The following DLG1 variants were observed in gnomAD, a reference collection of about 807,000 sequenced individuals.
DLG1 encodes the protein disks large homolog 1.
DLG1 carries 42 observed loss-of-function variants against 123.4 expected under a neutral mutation model. The ratio of observed to expected loss-of-function variants is 0.34; its 90% CI spans 0.27 to 0.44. The LOEUF (loss-of-function observed/expected upper bound fraction) is 0.44. DLG1 is among the 20% of genes least tolerant of loss of function. The probability of loss-of-function intolerance (pLI) is 1.00; values close to 1 mark genes in which losing one functional copy is unlikely to be tolerated. For synonymous variants in DLG1, 317 were observed against 356.2 expected (o/e 0.89, Z 1.24); for missense variants, 942 against 1,082.6 (o/e 0.87, Z 1.82).
chr3:197,192,034 C>G (rs1269235147), intron 5 of DLG1, among the ~76,000 whole-genome samples: 1 of 151,052 alleles, frequency 6.6e-6, no homozygotes, highest in Non-Finnish European at 1.5e-5. Flanking sequence ...AATAGCCAAG[C>G]ATGATGGCAT....
intron 17 of DLG1, among the ~76,000 whole-genome samples, chr3:197,080,267 CTTTTTTTTTTT>C (rs767056279): frequency 5.8e-5 from 3 of 51,868 alleles, no homozygotes; most frequent in African/African-American, 8.4e-5. Flanking sequence ...GATATATTTC[CTTTTTTTTTTT>C]TTTTTTTTTT....
chr3:197,191,515 G>T (rs1203656489), intron 5 of DLG1, among the ~76,000 whole-genome samples: 1 of 152,162 alleles, frequency 6.6e-6, no homozygotes, highest in East Asian at 1.9e-4. Context: ...ACCAGAGTTG[G>T]CCATGTGCAA....
intron 22 of DLG1, among the ~76,000 whole-genome samples, chr3:197,064,731 T>C (rs1738380023): frequency 6.6e-6 from 1 of 152,204 alleles, no homozygotes; most frequent in African/African-American, 2.4e-5. Flanking sequence ...TGTTTTCCAA[T>C]AGTTTTTGGA....
At chr3:197,201,153 G>A (rs1245967819) in intron 4 of DLG1, among the ~76,000 whole-genome samples, 1 of 152,178 alleles carries the variant, frequency 6.6e-6, no homozygotes, top group African/African-American at 2.4e-5. Flanking sequence ...GGAGGCCGAG[G>A]CGGGAGGATC....
chr3:197,263,348 C>CG (rs10711560), intron 4 of DLG1, among the ~76,000 whole-genome samples: 1 of 151,820 alleles, frequency 6.6e-6, no homozygotes, highest in Non-Finnish European at 1.5e-5. Flanking sequence ...TCATTTTCTT[C>CG]GGGGGGGTGG....
At chr3:197,053,381 G>T (rs902466758) in intron 23 of DLG1, among the ~76,000 whole-genome samples, 1 of 152,068 alleles carries the variant, frequency 6.6e-6, no homozygotes, top group African/African-American at 2.4e-5. Flanking sequence ...TTGAAGAATA[G>T]ATTTGCCAGA....
chr3:197,168,624 G>A (rs570162798), intron 5 of DLG1, among the ~76,000 whole-genome samples: 3 of 152,232 alleles, frequency 2.0e-5, no homozygotes, highest in African/African-American at 7.2e-5. Context: ...TTATATTTTG[G>A]TTATTACAGA....
At chr3:197,065,495 A>AC (rs1560426610) in intron 21 of DLG1, 47 bp from the exon 22 acceptor site, 2 of 1,450,914 alleles carry the variant, frequency 1.4e-6, no homozygotes, top group East Asian at 2.3e-5. Context: ...TAAAAAAAAA[A>AC]CCACAATAAA....
chr3:197,114,987 G>GAAA (rs375841391), intron 13 of DLG1, among the ~76,000 whole-genome samples: 11 of 86,062 alleles, frequency 1.3e-4, no homozygotes, highest in African/African-American at 2.0e-4. Context: ...CCATCTCAAG[G>GAAA]AAAAAAAAAA....
At chr3:197,163,468 T>C (rs572965060) in intron 5 of DLG1, among the ~76,000 whole-genome samples, 2 of 151,716 alleles carry the variant, frequency 1.3e-5, no homozygotes, top group South Asian at 2.1e-4. Flanking sequence ...AAACCACGTG[T>C]CTATCAGGAG....
At chr3:197,156,504 CAG>C (rs1400729883) in intron 5 of DLG1, among the ~76,000 whole-genome samples, 1 of 152,028 alleles carries the variant, frequency 6.6e-6, no homozygotes, top group African/African-American at 2.4e-5. Context: ...AATCAAAAGA[CAG>C]AAATTGGCAG....
intron 5 of DLG1, among the ~76,000 whole-genome samples, chr3:197,157,922 GTAAAACC>G (rs1361837632): frequency 6.6e-6 from 1 of 152,124 alleles, no homozygotes; most frequent in African/African-American, 2.4e-5. Flanking sequence ...TGATCTAAAT[GTAAAACC>G]TAAAACTTAA....
rs183304106 is a variant in DLG1 at position 197,069,663 on chromosome 3, T to C, written c.2006-403A>G. The C allele has an allele frequency of 2.5e-3, 379 of 153,916 alleles. 2 individuals are homozygous for C. The highest frequency in any genetic ancestry group is 8.7e-3 in the African/African-American group (364 of 41,640). The allele number at this position is 153,916 out of a possible 1,614,324, so 9.5% of individuals were successfully genotyped here. A position where few individuals can be genotyped will look rare whatever the true frequency, so the allele number is the denominator to read the frequency against. On this transcript the variant is annotated intron_variant, in intron 18 of 24. Transcript: ENST00000667157. The stretch of plus-strand genomic sequence containing the variant: ...TATATTTAAACAAATAGATGCCCAT[T>C]TTAATGACGGGATGTCTTTGTAATT...
At chr3:197,148,411 G>GAAAAAA (rs780479244) in intron 6 of DLG1, among the ~76,000 whole-genome samples, 6 of 42,864 alleles carry the variant, frequency 1.4e-4, no homozygotes, top group African/African-American at 1.6e-4. Context: ...ACTGTCTCAA[G>GAAAAAA]AAAAAAAAAA....
intron 3 of DLG1, among the ~76,000 whole-genome samples, chr3:197,295,437 T>C (rs1206889074): frequency 6.6e-6 from 1 of 151,922 alleles, no homozygotes; most frequent in Non-Finnish European, 1.5e-5. Context: ...TATAATTAAG[T>C]ATATGTCTTC....
intron 5 of DLG1, among the ~76,000 whole-genome samples, chr3:197,153,865 A>G (rs1221916380): frequency 6.6e-6 from 1 of 152,188 alleles, no homozygotes; most frequent in Non-Finnish European, 1.5e-5. Flanking sequence ...CAGAAAAACA[A>G]TAACAACAAA....
intron 5 of DLG1, among the ~76,000 whole-genome samples, chr3:197,177,635 T>C (rs994715521): frequency 2.6e-4 from 39 of 152,126 alleles, no homozygotes; most frequent in Admixed American, 2.0e-3. Flanking sequence ...TAAATGGTTA[T>C]AACAGAGTGA....
chr3:197,236,801 G>GTAT (rs1746212986), intron 4 of DLG1, among the ~76,000 whole-genome samples: 2 of 152,170 alleles, frequency 1.3e-5, no homozygotes, highest in African/African-American at 4.8e-5. Context: ...CAAATGCTAA[G>GTAT]TATACTTTAG....
At chr3:197,138,451 C>T in intron 8 of DLG1, 60 bp from the exon 9 acceptor site, 1 of 953,648 alleles carries the variant, frequency 1.0e-6, no homozygotes, top group Non-Finnish European at 1.3e-6. Context: ...ATAAATTTTC[C>T]ACTTTACCAA....
Sources: allele counts gnomAD v4.1 joint callset (sites outside exome capture counted in the v4.1 genomes callset), GRCh38; gene constraint gnomAD v4.1.1; transcripts MANE v1.5; gene names NCBI Gene and HGNC (gene_info 2026-07-23, HGNC 2026-07-21).